Variants in KCNIP4 observed in about 807,000 individuals in gnomAD.
KCNIP4 encodes the protein potassium voltage-gated channel interacting protein 4.
KCNIP4 carries 12 observed loss-of-function variants against 34.0 expected under a neutral mutation model. That is an observed-to-expected ratio of 0.35 (90% CI 0.23 to 0.57). The LOEUF (loss-of-function observed/expected upper bound fraction) is 0.57. Among genes scored for constraint, KCNIP4 ranks in the 20% least tolerant of loss-of-function variants. The probability of loss-of-function intolerance (pLI) is 0.83; values close to 1 mark genes in which losing one functional copy is unlikely to be tolerated. For missense variants in KCNIP4, 238 were observed against 311.7 expected, an observed-to-expected ratio of 0.76 and a Z score of 1.78; for synonymous variants, 124 against 102.2, an observed-to-expected ratio of 1.21 and a Z score of -1.29.
At chr4:21,467,697 A>G (rs1404428624) in intron 1 of KCNIP4, among the ~76,000 whole-genome samples, 1 of 152,176 alleles carries the variant, frequency 6.6e-6, no homozygotes, top group African/African-American at 2.4e-5. Context: ...CTGCTGCGTC[A>G]GTGTCCTGTC....
chr4:21,145,842 G>A (rs974347821), intron 1 of KCNIP4, among the ~76,000 whole-genome samples: 14 of 152,232 alleles, frequency 9.2e-5, no homozygotes, highest in Non-Finnish European at 1.3e-4. Flanking sequence ...CAATACCCAC[G>A]CCTGACTAAA....
intron 1 of KCNIP4, among the ~76,000 whole-genome samples, chr4:20,975,439 G>A (rs1735383550): frequency 6.6e-6 from 1 of 152,068 alleles, no homozygotes; most frequent in African/African-American, 2.4e-5. Context: ...ATAGGACAGG[G>A]CACTCAGGCA....
At chr4:21,778,205 G>T (rs4496573) in intron 1 of KCNIP4, among the ~76,000 whole-genome samples, 13 of 135,120 alleles carry the variant, frequency 9.6e-5, no homozygotes, top group South Asian at 2.4e-4. Context: ...ATTTTTATTT[G>T]TTTCTTTTTC....
chr4:21,244,725 A>G (rs551306763), intron 1 of KCNIP4, among the ~76,000 whole-genome samples: 29 of 152,250 alleles, frequency 1.9e-4, no homozygotes, highest in African/African-American at 6.7e-4. Context: ...AACAATTAGA[A>G]TATGTTTCAG....
chr4:21,273,857 A>C (rs961003714), intron 1 of KCNIP4, among the ~76,000 whole-genome samples: 2 of 152,130 alleles, frequency 1.3e-5, no homozygotes, highest in African/African-American at 2.4e-5. Flanking sequence ...GTATGCATGC[A>C]CGTGTGTATG....
intron 3 of KCNIP4, among the ~76,000 whole-genome samples, chr4:20,804,972 A>G (rs1261237709): frequency 6.6e-6 from 1 of 152,066 alleles, no homozygotes; most frequent in Non-Finnish European, 1.5e-5. Flanking sequence ...TAATGGCAGG[A>G]GCAGAGTCGT....
intron 1 of KCNIP4, among the ~76,000 whole-genome samples, chr4:21,084,758 C>T (rs1215947397): frequency 1.3e-5 from 2 of 151,154 alleles, no homozygotes; most frequent in Non-Finnish European, 2.9e-5. Context: ...CACTTGGATG[C>T]CTAAAATAGC....
chr4:21,089,182 T>C (rs141919881), intron 1 of KCNIP4, among the ~76,000 whole-genome samples: 169 of 152,296 alleles, frequency 1.1e-3, no homozygotes, highest in African/African-American at 3.9e-3. Flanking sequence ...AGTAGGGGCC[T>C]GGTGGGAGGT....
intron 1 of KCNIP4, among the ~76,000 whole-genome samples, chr4:21,635,368 G>A (rs1216885115): frequency 6.6e-6 from 1 of 152,144 alleles, no homozygotes; most frequent in African/African-American, 2.4e-5. Flanking sequence ...GAGAAGGATG[G>A]CGACTACAAA....
At chr4:21,038,136 C>G (rs1209098288) in intron 1 of KCNIP4, among the ~76,000 whole-genome samples, 1 of 152,122 alleles carries the variant, frequency 6.6e-6, no homozygotes, top group Non-Finnish European at 1.5e-5. Flanking sequence ...TGCCACCACG[C>G]CCAGCTAACT....
At chr4:21,132,472 C>T (rs1751140303) in intron 1 of KCNIP4, among the ~76,000 whole-genome samples, 1 of 152,196 alleles carries the variant, frequency 6.6e-6, no homozygotes, top group Non-Finnish European at 1.5e-5. Flanking sequence ...ATGACATTCT[C>T]AGTTTTTAAC....
chr4:21,876,512 G>A lies in KCNIP4; in HGVS notation c.61+72059C>T, dbSNP rs1271580271. Among the ~76,000 whole-genome samples the A allele has an allele frequency of 2.0e-5, 3 of 152,206 alleles. No homozygotes were observed. The East Asian group carries it at 5.8e-4, about 29-fold the overall frequency. On this transcript the variant is annotated intron_variant, in intron 1 of 8. Coordinates refer to ENST00000382152, the MANE Select transcript of KCNIP4 (RefSeq NM_025221.6). ...ACATTAATTAGAAAGACAGGAGGAA[G>A]GAAAAGACTCCCTTTCTCCAAGACT...
intron 1 of KCNIP4, among the ~76,000 whole-genome samples, chr4:21,046,503 G>T (rs1209345870): frequency 6.6e-6 from 1 of 152,006 alleles, no homozygotes; most frequent in Admixed American, 6.6e-5. Context: ...TTAGGATTTA[G>T]ACTTTTAAAT....
chr4:21,121,711 A>G (rs1232172973), intron 1 of KCNIP4, among the ~76,000 whole-genome samples: 1 of 152,242 alleles, frequency 6.6e-6, no homozygotes, highest in Non-Finnish European at 1.5e-5. Context: ...CATACAAAAC[A>G]ACAAGCATAT....
intron 1 of KCNIP4, among the ~76,000 whole-genome samples, chr4:21,440,949 G>A (rs1396876350): frequency 6.6e-6 from 1 of 152,028 alleles, no homozygotes; most frequent in Non-Finnish European, 1.5e-5. Context: ...CCAAGACCTT[G>A]AAGGCTGTTT....
chr4:21,481,599 T>C (rs1731432333), intron 1 of KCNIP4, among the ~76,000 whole-genome samples: 1 of 152,118 alleles, frequency 6.6e-6, no homozygotes, highest in South Asian at 2.1e-4. Flanking sequence ...AAAATGTGCT[T>C]AATGGGGTTA....
At chr4:21,191,569 G>C (rs527465096) in intron 1 of KCNIP4, among the ~76,000 whole-genome samples, 1 of 152,294 alleles carries the variant, frequency 6.6e-6, no homozygotes, top group Admixed American at 6.5e-5. Context: ...CAGAATGCTA[G>C]TTAGCAAGGC....
chr4:21,132,853 C>CAA (rs71189683), intron 1 of KCNIP4, among the ~76,000 whole-genome samples: 17,223 of 116,140 alleles, frequency 0.15, 1,401 homozygotes, highest in East Asian at 0.23. Context: ...TACTAAACGA[C>CAA]AAAAAAAAAA....
intron 3 of KCNIP4, among the ~76,000 whole-genome samples, chr4:20,807,634 G>C (rs1331910751): frequency 1.3e-5 from 2 of 152,072 alleles, no homozygotes; most frequent in Non-Finnish European, 2.9e-5. Context: ...GTTATTATGA[G>C]ATGAAAGCAC....
Sources: allele counts gnomAD v4.1 joint callset (sites outside exome capture counted in the v4.1 genomes callset), GRCh38; gene constraint gnomAD v4.1.1; transcripts MANE v1.5; gene names NCBI Gene and HGNC (gene_info 2026-07-23, HGNC 2026-07-21).